ARSB: variants seen among roughly 807,000 people sequenced by gnomAD.
ARSB encodes the protein arylsulfatase B, also known as N-acetylgalactosamine-4-sulfatase.
A neutral mutation model predicts 50.9 loss-of-function variants in ARSB; 41 were observed. The observed-to-expected ratio is 0.81, with a 90% CI of 0.63 to 1.04. The LOEUF (loss-of-function observed/expected upper bound fraction) is 1.04. Ranked by LOEUF, ARSB falls within the 50% of genes least tolerant of loss-of-function variation. The probability of loss-of-function intolerance (pLI) is 0.00; values close to 1 mark genes in which losing one functional copy is unlikely to be tolerated. For synonymous variants in ARSB, 269 were observed against 284.8 expected (o/e 0.94, Z 0.56); for missense variants, 672 against 693.3 (o/e 0.97, Z 0.35).
chr5:78,897,133 A>G (rs1580015552), intron 4 of ARSB, among the ~76,000 whole-genome samples: 1 of 152,172 alleles, frequency 6.6e-6, no homozygotes, highest in Admixed American at 6.5e-5. Context: ...CGCAAAAAAT[A>G]CTTTGTGTTT....
Position 78,885,741 on chromosome 5 carries a change from C to A in ARSB, c.985G>T (p.Val329Leu), listed in dbSNP as rs1747993954. Residue 329 changes from valine to leucine, a missense_variant, in exon 5 of 8, where the codon GTG becomes TTG. Physicochemically the swap from Val to Leu is conservative, Grantham distance 32. Transcript: ENST00000264914. ...WSLWEGGVRG[V>L]GFVASPLLKQ... is the part of the protein sequence containing the mutation. ...AGCAAGGGGCTTGCCACAAAGCCCA[C>A]CCCTCGGACGCCTCCTTCCCACAGG... 3 of 1,614,132 alleles carry A rather than the reference C, an allele frequency of 1.9e-6. No homozygotes were observed. The highest frequency in any genetic ancestry group is 2.5e-6 in the Non-Finnish European group (3 of 1,180,020).
intron 5 of ARSB, among the ~76,000 whole-genome samples, chr5:78,879,732 T>TG (rs1326154862): frequency 2.0e-5 from 3 of 152,270 alleles, no homozygotes; most frequent in Non-Finnish European, 1.5e-5. Context: ...TCAATGTGAC[T>TG]GGGCGATTTC....
chr5:78,830,520 G>T (rs138200624), intron 6 of ARSB, among the ~76,000 whole-genome samples: 13 of 152,294 alleles, frequency 8.5e-5, no homozygotes, highest in African/African-American at 2.9e-4. Flanking sequence ...TTTTTAAAGT[G>T]CTGTGGATTT....
chr5:78,874,688 A>C (rs1020584004), intron 5 of ARSB, among the ~76,000 whole-genome samples: 4 of 152,206 alleles, frequency 2.6e-5, no homozygotes, highest in African/African-American at 9.6e-5. Context: ...TCATCTACTA[A>C]AACATTACAG....
intron 4 of ARSB, among the ~76,000 whole-genome samples, chr5:78,930,662 G>A (rs956793786): frequency 2.0e-5 from 3 of 152,138 alleles, no homozygotes; most frequent in African/African-American, 7.2e-5. Flanking sequence ...GTTAAGGATT[G>A]TTCTGTAAGA....
intron 6 of ARSB, among the ~76,000 whole-genome samples, chr5:78,828,222 T>C (rs751492512): frequency 6.6e-6 from 1 of 151,470 alleles, no homozygotes; most frequent in South Asian, 2.1e-4. Context: ...GTGATTTTTT[T>C]TGTGTGTATT....
chr5:78,944,206 C>T (rs1472657536), intron 4 of ARSB, among the ~76,000 whole-genome samples: 2 of 152,164 alleles, frequency 1.3e-5, no homozygotes, highest in East Asian at 3.8e-4. Flanking sequence ...TTTTTAACTT[C>T]CTTGCCATGG....
At chr5:78,841,294 C>T (rs1745206896) in intron 5 of ARSB, among the ~76,000 whole-genome samples, 1 of 152,048 alleles carries the variant, frequency 6.6e-6, no homozygotes, top group Admixed American at 6.6e-5. Context: ...CACACCACTG[C>T]ACTCCAGCCT....
intron 6 of ARSB, among the ~76,000 whole-genome samples, chr5:78,831,181 G>A (rs553660420): frequency 4.6e-5 from 7 of 152,188 alleles, no homozygotes; most frequent in East Asian, 1.9e-4. Flanking sequence ...CGTTCCCAAC[G>A]TATAGGTGAT....
At chr5:78,929,210 G>C (rs904017996) in intron 4 of ARSB, among the ~76,000 whole-genome samples, 14 of 152,158 alleles carry the variant, frequency 9.2e-5, no homozygotes, top group Admixed American at 8.5e-4. Context: ...CACAGTCCCC[G>C]AGTTCTTTGC....
In ARSB at chr5:78,834,607, G is replaced by GTGTATATATATA. The variant is rs1185355030; in HGVS notation, c.1213+4748_1213+4749insTATATATATACA. Among the ~76,000 whole-genome samples, 36 of 85,640 alleles carry GTGTATATATATA rather than the reference G, an allele frequency of 4.2e-4. 1 individual carries two copies. The highest frequency in any genetic ancestry group is 9.9e-4 in the African/African-American group (25 of 25,210). The allele number at this position is 85,640 out of a possible 152,430, so 56.2% of individuals were successfully genotyped here. A position where few individuals can be genotyped will look rare whatever the true frequency, so the allele number is the denominator to read the frequency against. On this transcript the variant is annotated intron_variant, in intron 6 of 7. Transcript: ENST00000264914. ...ATACTATTTCATGGTATATATATGT[G>GTGTATATATATA]TATATATATATATATATATATATAT...
chr5:78,983,937 C>T (rs75955045), intron 1 of ARSB, among the ~76,000 whole-genome samples: 3,436 of 152,240 alleles, frequency 0.023, 138 homozygotes, highest in African/African-American at 0.078. Context: ...TCTGTGAAGG[C>T]ATGCAGGTGG....
chr5:78,784,700 C>T (rs539654277), intron 6 of ARSB, among the ~76,000 whole-genome samples: 1 of 151,542 alleles, frequency 6.6e-6, no homozygotes, highest in South Asian at 2.1e-4. Context: ...TTTGTAGCAT[C>T]TGTAGTAATA....
At position 78,821,930 on chromosome 5, in the gene ARSB, T is replaced by C. The variant is rs144384603; in HGVS notation, c.1213+17426A>G. On this transcript the variant is annotated intron_variant, in intron 6 of 7. Transcript: ENST00000264914. ...AAGACCCAAGAATAAAAGCTGACTC[T>C]GACTTGTTTGGTCTGGCGTGGCTGG... Among the ~76,000 whole-genome samples, 949 of 152,348 alleles carry C rather than the reference T, an allele frequency of 6.2e-3. 6 individuals are homozygous for C. Among genetic ancestry groups the C allele is most frequent in the African/African-American group, 0.019 (807 of 41,576 alleles).
intron 4 of ARSB, among the ~76,000 whole-genome samples, chr5:78,895,496 A>T (rs1748524939): frequency 6.6e-6 from 1 of 152,202 alleles, no homozygotes; most frequent in African/African-American, 2.4e-5. Flanking sequence ...CCTGTCATTA[A>T]TCCTATTTAT....
chr5:78,949,777 G>A (rs1478031306), intron 4 of ARSB, among the ~76,000 whole-genome samples: 1 of 152,084 alleles, frequency 6.6e-6, no homozygotes, highest in Non-Finnish European at 1.5e-5. Context: ...AGGCATGGTG[G>A]TACACGCCTG....
At chr5:78,878,162 G>A (rs1747577042) in intron 5 of ARSB, among the ~76,000 whole-genome samples, 1 of 152,160 alleles carries the variant, frequency 6.6e-6, no homozygotes, top group Non-Finnish European at 1.5e-5. Flanking sequence ...GCATGAATAT[G>A]TACATTGTTG....
At chr5:78,956,652 C>T (rs2112488429) in intron 3 of ARSB, among the ~76,000 whole-genome samples, 1 of 152,240 alleles carries the variant, frequency 6.6e-6, no homozygotes, top group East Asian at 1.9e-4. Context: ...ATGGCAACCA[C>T]ATATTAAATG....
chr5:78,945,525 C>T (rs1414136104), intron 4 of ARSB, among the ~76,000 whole-genome samples: 2 of 152,184 alleles, frequency 1.3e-5, no homozygotes, highest in Admixed American at 6.5e-5. Flanking sequence ...ATTGTCAGAG[C>T]CTCCTAAAAG....
Sources: gnomAD v4.1 joint callset for allele counts (sites outside exome capture counted in the v4.1 genomes callset) on GRCh38, gnomAD v4.1.1 for gene constraint, MANE v1.5 for transcripts, NCBI Gene and HGNC (gene_info 2026-07-23, HGNC 2026-07-21) for gene names.